Variants in WDR45B observed in about 807,000 individuals in gnomAD.
The protein encoded by WDR45B is WD repeat domain phosphoinositide-interacting protein 3.
A neutral mutation model predicts 44.6 loss-of-function variants in WDR45B; 20 were observed. That is an observed-to-expected ratio of 0.45 (90% CI 0.32 to 0.65). The LOEUF is 0.65. Ranked by LOEUF, WDR45B falls within the 30% of genes least tolerant of loss-of-function variation. The pLI, the probability that WDR45B is intolerant of heterozygous loss-of-function variation, is 0.05. For missense variants in WDR45B, 323 were observed against 430.2 expected (o/e 0.75, Z 2.20); for synonymous variants, 169 against 164.9 (o/e 1.02, Z -0.19).
At chr17:82,629,875 A>G in intron 3 of WDR45B, 12 of 984,796 alleles carry the variant, frequency 1.2e-5, no homozygotes, top group Non-Finnish European at 1.4e-5. Context: ...TCACCCACTC[A>G]CTTCCCATTT....
intron 1 of WDR45B, 61 bp downstream of exon 1, chr17:82,648,213 C>T (rs1174992512): frequency 1.9e-6 from 3 of 1,555,192 alleles, no homozygotes; most frequent in Non-Finnish European, 2.6e-6. Context: ...GCCTGAGAGC[C>T]GGGGACCCCG....
At position 82,648,410 on chromosome 17, in the gene WDR45B, T is replaced by C. The variant is rs1219684259; in HGVS notation, c.-70A>G. ...TCGCTGGGGACGGCGGCCTGGTCCC[T>C]TCGGGCCGGCGCTGAGGCCGCCGCG... On this transcript the variant is annotated 5_prime_UTR_variant, in exon 1 of 10. Coordinates refer to ENST00000392325, the MANE Select transcript of WDR45B (RefSeq NM_019613.4). The C allele has an allele frequency of 6.4e-6, 10 of 1,559,420 alleles. No homozygotes were observed. Among genetic ancestry groups the C allele is most frequent in the South Asian group, 3.5e-5 (3 of 86,382 alleles).
In WDR45B at chr17:82,619,088, A is replaced by T. The variant is rs778646527; in HGVS notation, c.659T>A (p.Leu220Ter). ...IRIFDTSSGH[L>*]IQELRRGSQA... ...AGATCCTCTTCGCAGTTCCTGGATT[A>T]AATGCCCTGATGAAGTATCAAATAT... is the stretch of plus-strand genomic sequence containing the variant. The change falls in exon 7 of 10, where the codon TTA (leucine) becomes TAA (stop). Residue 220 changes from leucine to a stop codon, truncating the protein, a stop_gained. Coordinates refer to ENST00000392325, the MANE Select transcript of WDR45B (RefSeq NM_019613.4). LOFTEE classifies it high-confidence loss of function. The T allele has an allele frequency of 6.2e-7, 1 of 1,614,240 alleles. No individual in the cohort carries two copies. The highest frequency in any genetic ancestry group is 8.5e-7 in the Non-Finnish European group (1 of 1,180,038).
chr17:82,632,294 TG>T (rs757698827), intron 2 of WDR45B, among the ~76,000 whole-genome samples: 1 of 151,904 alleles, frequency 6.6e-6, no homozygotes, highest in Non-Finnish European at 1.5e-5. Flanking sequence ...CCCGAGTAGC[TG>T]GGACTACAGG....
In WDR45B at chr17:82,648,444, T is replaced by C; in HGVS notation, c.-104A>G. On this transcript the variant is annotated 5_prime_UTR_variant, in exon 1 of 10. Transcript: ENST00000392325. Reference sequence around the variant, plus strand: ...GCGCTGAGGCCGCCGCGGCCGGAAGTGCCGGACGTACGTGCGTGCGTGCTG... The same window carrying C: ...GCGCTGAGGCCGCCGCGGCCGGAAGCGCCGGACGTACGTGCGTGCGTGCTG... 1 of 1,412,564 alleles carries C rather than the reference T, an allele frequency of 7.1e-7. No individual in the cohort carries two copies. Among genetic ancestry groups the C allele is most frequent in the Non-Finnish European group, 9.6e-7 (1 of 1,040,816 alleles). The allele number at this position is 1,412,564 out of a possible 1,614,324, so 87.5% of individuals were successfully genotyped here. A position where few individuals can be genotyped will look rare whatever the true frequency, so the allele number is the denominator to read the frequency against.
chr17:82,631,032 T>TA lies in WDR45B; in HGVS notation c.143-11dup. 1 of 1,611,922 alleles carries TA rather than the reference T, an allele frequency of 6.2e-7. No individual in the cohort carries two copies. Among genetic ancestry groups the TA allele is most frequent in the Non-Finnish European group, 8.5e-7 (1 of 1,178,132 alleles). ...CCTCCTTCTAGAAATTCTGAAATGA[T>TA]AGTTTTAAAAAGACCAATGTTACAA... On this transcript the variant is annotated splice_polypyrimidine_tract_variant and intron_variant, in intron 2 of 9. Transcript: ENST00000392325.
Position 82,630,987 on chromosome 17 carries a change from A to G in WDR45B, c.178T>C (p.Leu60=), listed in dbSNP as rs1311812195. ...LEGGVGHVEM[L]FRCNYLALVG... ...AAAGCTAAATAGTTGCAGCGAAATA[A>G]CATTTCAACATGGCCAACTCCTCCT... Residue 60 remains leucine, a synonymous_variant, in exon 3 of 10, where the codon TTA becomes CTA. Coordinates refer to ENST00000392325, the MANE Select transcript of WDR45B (RefSeq NM_019613.4). The G allele has an allele frequency of 6.2e-7, 1 of 1,613,942 alleles. No individual in the cohort carries two copies. The highest frequency in any genetic ancestry group is 1.1e-5 in the South Asian group (1 of 91,072).
Position 82,630,869 on chromosome 17 carries a change from A to G in WDR45B, c.244+52T>C, listed in dbSNP as rs1033550044. ...CCACAAACATAAACGCATTCAAAAA[A>G]AGACTGGGTGGGACACGTGAGGCAT... On this transcript the variant is annotated intron_variant, in intron 3 of 9. Coordinates refer to ENST00000392325, the MANE Select transcript of WDR45B (RefSeq NM_019613.4). 119 of 1,538,284 alleles carry G rather than the reference A, an allele frequency of 7.7e-5. 2 individuals carry two copies. In the South Asian group the frequency reaches 1.3e-3, roughly 17 times the overall value.
intron 1 of WDR45B, 54 bp from the exon 2 acceptor site, chr17:82,644,077 G>T: frequency 6.4e-7 from 1 of 1,567,734 alleles, no homozygotes; most frequent in Non-Finnish European, 8.8e-7. Flanking sequence ...GTGGTTAAAA[G>T]AAAGAGGTCT....
In WDR45B at chr17:82,621,678, T is replaced by C. The variant is rs1313238771; in HGVS notation, c.549A>G (p.Ala183=). The C allele has an allele frequency of 2.5e-6, 4 of 1,614,224 alleles. No homozygotes were observed. Among genetic ancestry groups the C allele is most frequent in the Non-Finnish European group, 3.4e-6 (4 of 1,180,042 alleles). The part of the protein sequence containing the change: ...STEKPPVDIP[A]HEGVLSCIAL... ...CAATGCAGCTCAGGACACCCTCGTG[T>C]GCAGGAATGTCCACGGGTGGCTTCT... The change falls in exon 6 of 10, where the codon GCA becomes GCG. Residue 183 remains alanine, a synonymous_variant. Coordinates refer to ENST00000392325, the MANE Select transcript of WDR45B (RefSeq NM_019613.4).
Position 82,643,075 on chromosome 17 carries a change from G to A in WDR45B, c.142+874C>T, listed in dbSNP as rs111775456. Among the ~76,000 whole-genome samples, 1,412 of 152,274 alleles carry A rather than the reference G, an allele frequency of 9.3e-3. 30 individuals are homozygous for A. The highest frequency in any genetic ancestry group is 0.032 in the African/African-American group (1,342 of 41,546). ...GCAGGCATTAATCTGCGTGTCTTAC[G>A]CACCCTGACTCATTTTTACAATAAC... On this transcript the variant is annotated intron_variant, in intron 2 of 9. Transcript: ENST00000392325.
intron 5 of WDR45B, among the ~76,000 whole-genome samples, chr17:82,624,450 T>C (rs1190049200): frequency 2.6e-5 from 4 of 151,812 alleles, no homozygotes; most frequent in African/African-American, 9.7e-5. Flanking sequence ...TTAGTAGAGA[T>C]GAGGTTTCAC....
chr17:82,639,258 G>T (rs552200855), intron 2 of WDR45B, among the ~76,000 whole-genome samples: 3 of 151,800 alleles, frequency 2.0e-5, no homozygotes, highest in Non-Finnish European at 2.9e-5. Flanking sequence ...CATTCTTACC[G>T]CATGAAGCAC....
chr17:82,624,723 A>C (rs991461777), intron 5 of WDR45B, among the ~76,000 whole-genome samples: 3 of 150,404 alleles, frequency 2.0e-5, no homozygotes, highest in Non-Finnish European at 4.4e-5. Context: ...GGTTCAAGTG[A>C]TTCTCCTGCC....
intron 1 of WDR45B, among the ~76,000 whole-genome samples, chr17:82,646,514 C>CAAAAAAAAAAAAAAAA (rs1568019681): frequency 1.4e-4 from 3 of 21,674 alleles, no homozygotes; most frequent in African/African-American, 5.1e-4. Context: ...AAAAAAAAAC[C>CAAAAAAAAAAAAAAAA]CAAAACAAAA....
At position 82,644,035 on chromosome 17, in the gene WDR45B, G is replaced by A; in HGVS notation, c.68-12C>T. On this transcript the variant is annotated splice_polypyrimidine_tract_variant and intron_variant, in intron 1 of 9. Coordinates refer to ENST00000392325, the MANE Select transcript of WDR45B (RefSeq NM_019613.4). ...ACACGCAAAGCATCCTAAAGCAGAA[G>A]TGTAAAAGAGACATTAATCCCCAGG... The A allele has an allele frequency of 6.2e-7, 1 of 1,613,898 alleles. No individual in the cohort carries two copies. Among genetic ancestry groups the A allele is most frequent in the Non-Finnish European group, 8.5e-7 (1 of 1,179,828 alleles).
At chr17:82,634,822 C>G (rs1216082782) in intron 2 of WDR45B, among the ~76,000 whole-genome samples, 2 of 152,082 alleles carry the variant, frequency 1.3e-5, no homozygotes, top group Non-Finnish European at 2.9e-5. Flanking sequence ...CTGCCTCAGA[C>G]TCTGAAAACA....
intron 5 of WDR45B, among the ~76,000 whole-genome samples, chr17:82,622,547 C>T (rs2045633121): frequency 6.6e-6 from 1 of 152,112 alleles, no homozygotes; most frequent in African/African-American, 2.4e-5. Context: ...GTTCTCCTGC[C>T]TCAGCCTCCC....
chr17:82,637,358 G>A (rs2045845580), intron 2 of WDR45B, among the ~76,000 whole-genome samples: 1 of 151,930 alleles, frequency 6.6e-6, no homozygotes, highest in Non-Finnish European at 1.5e-5. Flanking sequence ...GTGGTACAGA[G>A]AAAAACCCTC....
Sources: allele counts gnomAD v4.1 joint callset (sites outside exome capture counted in the v4.1 genomes callset), GRCh38; gene constraint gnomAD v4.1.1; transcripts MANE v1.5; gene names NCBI Gene and HGNC (gene_info 2026-07-23, HGNC 2026-07-21).